The following TNFAIP8 variants were observed in gnomAD, a reference collection of about 807,000 sequenced individuals.
The protein encoded by TNFAIP8 is TNF alpha induced protein 8, also known as tumor necrosis factor alpha-induced protein 8.
Under a neutral mutation model 13.3 loss-of-function variants are expected in TNFAIP8, and 7 were observed. That is an observed-to-expected ratio of 0.52 (90% CI 0.30 to 0.99). TNFAIP8 has a LOEUF of 0.99. TNFAIP8 is among the 50% of genes least tolerant of loss of function. The probability of loss-of-function intolerance (pLI) is 0.07; values close to 1 mark genes in which losing one functional copy is unlikely to be tolerated. For synonymous variants in TNFAIP8, 94 were observed against 87.6 expected (o/e 1.07, Z -0.41); for missense variants, 258 against 236.9 (o/e 1.09, Z -0.58).
At chr5:119,364,159 C>T (rs1032820287) in intron 1 of TNFAIP8, among the ~76,000 whole-genome samples, 1 of 152,150 alleles carries the variant, frequency 6.6e-6, no homozygotes, top group African/African-American at 2.4e-5. Context: ...AGTTTTAAAC[C>T]TCTAATCACC....
At chr5:119,364,132 A>T (rs916057314) in intron 1 of TNFAIP8, among the ~76,000 whole-genome samples, 31 of 152,186 alleles carry the variant, frequency 2.0e-4, no homozygotes, top group Non-Finnish European at 7.4e-5. Context: ...TCCCCTGCCC[A>T]GAGTGGGGGA....
chr5:119,348,761 T>C (rs1472056295), intron 1 of TNFAIP8, among the ~76,000 whole-genome samples: 1 of 151,654 alleles, frequency 6.6e-6, no homozygotes, highest in Non-Finnish European at 1.5e-5. Context: ...ATGCCTGTAA[T>C]CTCAGCTACT....
intron 1 of TNFAIP8, among the ~76,000 whole-genome samples, chr5:119,287,949 A>G (rs939319720): frequency 6.6e-6 from 1 of 152,212 alleles, no homozygotes; most frequent in Non-Finnish European, 1.5e-5. Flanking sequence ...GTTGGTCTAG[A>G]CAGTCACCAC....
At chr5:119,331,413 T>C (rs1750375555) in intron 1 of TNFAIP8, among the ~76,000 whole-genome samples, 1 of 152,178 alleles carries the variant, frequency 6.6e-6, no homozygotes, top group South Asian at 2.1e-4. Flanking sequence ...ACACTTTGAA[T>C]AGATCCGGGG....
intron 1 of TNFAIP8, among the ~76,000 whole-genome samples, chr5:119,331,841 C>T (rs1581610904): frequency 6.6e-6 from 1 of 152,302 alleles, no homozygotes; most frequent in East Asian, 1.9e-4. Context: ...TGTGAGAGGC[C>T]TGTTCCACTG....
At chr5:119,367,610 G>A (rs551100685) in intron 1 of TNFAIP8, among the ~76,000 whole-genome samples, 10 of 152,142 alleles carry the variant, frequency 6.6e-5, no homozygotes, top group African/African-American at 1.9e-4. Context: ...GTTTGATGTT[G>A]TTTTTTATTC....
At chr5:119,345,931 T>C (rs1159865500) in intron 1 of TNFAIP8, among the ~76,000 whole-genome samples, 1 of 152,188 alleles carries the variant, frequency 6.6e-6, no homozygotes, top group Non-Finnish European at 1.5e-5. Context: ...AGAGAAGTAG[T>C]TCACTATAAT....
At chr5:119,386,735 G>A (rs56341600) in intron 1 of TNFAIP8, among the ~76,000 whole-genome samples, 26,838 of 152,118 alleles carry the variant, frequency 0.18, 2,915 homozygotes, top group Non-Finnish European at 0.24. Flanking sequence ...TGTGCATTCC[G>A]TATCAGGTTA....
chr5:119,336,342 C>A (rs555780271), intron 1 of TNFAIP8, among the ~76,000 whole-genome samples: 1 of 152,166 alleles, frequency 6.6e-6, no homozygotes, highest in Non-Finnish European at 1.5e-5. Context: ...ACCCTGCCTG[C>A]CCTGGGGGAT....
chr5:119,372,936 G>A (rs746139251), intron 1 of TNFAIP8, among the ~76,000 whole-genome samples: 1 of 152,164 alleles, frequency 6.6e-6, no homozygotes, highest in Non-Finnish European at 1.5e-5. Context: ...ACTCCAGCCT[G>A]GGTGAAAGAT....
chr5:119,310,800 T>C (rs1749705857), intron 1 of TNFAIP8, among the ~76,000 whole-genome samples: 1 of 152,008 alleles, frequency 6.6e-6, no homozygotes, highest in African/African-American at 2.4e-5. Context: ...GCACTCCAGC[T>C]TGGGTGACAG....
intron 1 of TNFAIP8, among the ~76,000 whole-genome samples, chr5:119,305,748 G>A (rs569274951): frequency 1.3e-5 from 2 of 152,292 alleles, no homozygotes; most frequent in East Asian, 1.9e-4. Flanking sequence ...AATCATGATA[G>A]CTCAGGTATA....
chr5:119,376,895 C>T (rs559488763), intron 1 of TNFAIP8, among the ~76,000 whole-genome samples: 2 of 152,222 alleles, frequency 1.3e-5, no homozygotes, highest in East Asian at 1.9e-4. Flanking sequence ...GTCGCCTTTT[C>T]GGAAAGGCCT....
chr5:119,373,591 T>C (rs567233867), intron 1 of TNFAIP8, among the ~76,000 whole-genome samples: 1 of 152,244 alleles, frequency 6.6e-6, no homozygotes, highest in East Asian at 1.9e-4. Context: ...GTTAGAGAGG[T>C]TTCAGAAGGG....
chr5:119,366,900 C>T (rs1202140160), intron 1 of TNFAIP8, among the ~76,000 whole-genome samples: 1 of 152,144 alleles, frequency 6.6e-6, no homozygotes, highest in South Asian at 2.1e-4. Flanking sequence ...CTACCTATTC[C>T]AGCATACTTT....
At chr5:119,272,812 T>G (rs1437907913) in intron 1 of TNFAIP8, among the ~76,000 whole-genome samples, 1 of 152,196 alleles carries the variant, frequency 6.6e-6, no homozygotes, top group East Asian at 1.9e-4. Flanking sequence ...TTCCTAGGCT[T>G]GCCCTTTTCC....
Position 119,284,152 on chromosome 5 carries a change from G to A in TNFAIP8, c.1+15245G>A, listed in dbSNP as rs546425122. ...CATTTTAAAGATGGGAAAACAGACT[G>A]CAAGAACTTAAGTTGTTACCCAAGG... On this transcript the variant is annotated intron_variant, in intron 1 of 1. Coordinates refer to the TNFAIP8 transcript ENST00000274456. Among the ~76,000 whole-genome samples, 7 of 152,230 alleles carry A rather than the reference G, an allele frequency of 4.6e-5. No homozygotes were observed. The South Asian group carries it at 1.5e-3, about 32-fold the overall frequency.
intron 1 of TNFAIP8, chr5:119,306,318 CTTTTTCTTTTT>C (rs1344461912): frequency 1.6e-5 from 2 of 121,758 alleles, no homozygotes; most frequent in African/African-American, 8.3e-5. Flanking sequence ...TTCTTTCTTT[CTTTTTCTTTTT>C]TTTTTTTTTT....
At chr5:119,370,168 A>C (rs974203220) in intron 1 of TNFAIP8, among the ~76,000 whole-genome samples, 5 of 152,172 alleles carry the variant, frequency 3.3e-5, no homozygotes, top group African/African-American at 1.2e-4. Context: ...ATTTGTTGGA[A>C]TTTAACATCT....
Sources: gnomAD v4.1 joint callset for allele counts (sites outside exome capture counted in the v4.1 genomes callset) on GRCh38, gnomAD v4.1.1 for gene constraint, MANE v1.5 for transcripts, NCBI Gene and HGNC (gene_info 2026-07-23, HGNC 2026-07-21) for gene names.